NCKAP5: variants seen among roughly 807,000 people sequenced by gnomAD.
NCKAP5 encodes the protein nck-associated protein 5.
NCKAP5 carries 92 observed loss-of-function variants against 167.0 expected under a neutral mutation model. That is an observed-to-expected ratio of 0.55 (90% confidence interval 0.47 to 0.66). The LOEUF (loss-of-function observed/expected upper bound fraction) is 0.66, where lower values mean the gene tolerates loss of function less well. Among genes scored for constraint, NCKAP5 ranks in the 30% least tolerant of loss-of-function variants. The pLI, the probability that NCKAP5 is intolerant of heterozygous loss-of-function variation, is 0.00. For synonymous variants in NCKAP5, 891 were observed against 877.4 expected, an observed-to-expected ratio of 1.02 and a Z score of -0.27; for missense variants, 2,378 against 2,315.0, an observed-to-expected ratio of 1.03 and a Z score of -0.56.
chr2:133,190,877 TA>T (rs1158612397), intron 5 of NCKAP5, among the ~76,000 whole-genome samples: 1 of 152,006 alleles, frequency 6.6e-6, no homozygotes, highest in African/African-American at 2.4e-5. Context: ...ACTTCATGAC[TA>T]AAAAACCAAA....
chr2:133,666,457 C>T, the NCKAP5 span, among the ~76,000 whole-genome samples: 113 of 152,004 alleles, frequency 7.4e-4, 2 homozygotes, highest in Admixed American at 2.0e-3. Context: ...CTCAGCCTCC[C>T]GAAGTGCTGG....
chr2:132,810,305 T>C (rs2105260474), intron 11 of NCKAP5, among the ~76,000 whole-genome samples: 1 of 152,334 alleles, frequency 6.6e-6, no homozygotes, highest in Non-Finnish European at 1.5e-5. Flanking sequence ...TTCTTGTATT[T>C]GGATGTTTAG....
At chr2:133,496,432 T>C (rs561481022) in intron 3 of NCKAP5, among the ~76,000 whole-genome samples, 268 of 152,322 alleles carry the variant, frequency 1.8e-3, no homozygotes, top group African/African-American at 5.9e-3. Flanking sequence ...GAATTTTTTA[T>C]TCCTCTTGAT....
chr2:132,891,459 C>T (rs556656197), intron 8 of NCKAP5, among the ~76,000 whole-genome samples: 5 of 152,218 alleles, frequency 3.3e-5, no homozygotes, highest in African/African-American at 7.2e-5. Flanking sequence ...AAGTCTCTTA[C>T]TGCTTCTCTG....
At chr2:133,222,404 T>C (rs1460734844) in intron 4 of NCKAP5, among the ~76,000 whole-genome samples, 3 of 129,774 alleles carry the variant, frequency 2.3e-5, no homozygotes, top group African/African-American at 7.5e-5. Context: ...AAAAATGACA[T>C]CTGGATTATC....
chr2:133,371,031 C>T (rs1378263684), intron 3 of NCKAP5, among the ~76,000 whole-genome samples: 1 of 152,138 alleles, frequency 6.6e-6, no homozygotes, highest in Non-Finnish European at 1.5e-5. Flanking sequence ...CAGTCACCTG[C>T]CTGGTAAAAC....
Position 132,803,773 on chromosome 2 carries a change from C to T in NCKAP5, c.808-7044G>A, listed in dbSNP as rs181895134. ...GATTTACGCTTTATGCTTTATGAAG[C>T]ATCTACTATGTGCAGAATCATGACT... On this transcript the variant is annotated intron_variant, in intron 11 of 19. Coordinates refer to ENST00000409261, the MANE Select transcript of NCKAP5 (RefSeq NM_207363.3). Among the ~76,000 whole-genome samples the T allele has an allele frequency of 2.0e-5, 3 of 152,324 alleles. No individual in the cohort carries two copies. In the East Asian group the frequency reaches 5.8e-4, roughly 29 times the overall value.
chr2:133,589,989 T>C, the NCKAP5 span, among the ~76,000 whole-genome samples: 1 of 152,174 alleles, frequency 6.6e-6, no homozygotes, highest in African/African-American at 2.4e-5. Flanking sequence ...GAGCTAAAAC[T>C]GAAGCCTCCT....
At chr2:133,557,218 T>C (rs1687803662) in intron 2 of NCKAP5, among the ~76,000 whole-genome samples, 1 of 152,216 alleles carries the variant, frequency 6.6e-6, no homozygotes, top group African/African-American at 2.4e-5. Context: ...ATGCGGTTTT[T>C]CTCTCTGCAC....
intron 5 of NCKAP5, among the ~76,000 whole-genome samples, chr2:133,193,166 T>G (rs576595392): frequency 1.3e-5 from 2 of 152,210 alleles, no homozygotes; most frequent in South Asian, 4.1e-4. Context: ...ATATACTACA[T>G]GATTCCATTT....
chr2:132,816,257 G>T (rs954854473), intron 11 of NCKAP5, among the ~76,000 whole-genome samples: 8 of 151,990 alleles, frequency 5.3e-5, no homozygotes, highest in Non-Finnish European at 7.4e-5. Context: ...CTCCACTGAA[G>T]AATCACCCTT....
chr2:132,978,200 TC>T (rs1357377632), intron 7 of NCKAP5, among the ~76,000 whole-genome samples: 1 of 152,198 alleles, frequency 6.6e-6, no homozygotes, highest in Non-Finnish European at 1.5e-5. Flanking sequence ...ATGCAAAATC[TC>T]TGTGTTTAAA....
intron 6 of NCKAP5, among the ~76,000 whole-genome samples, chr2:133,074,709 A>T (rs1160124838): frequency 6.6e-6 from 1 of 152,208 alleles, no homozygotes; most frequent in Non-Finnish European, 1.5e-5. Flanking sequence ...AAATCTGAAC[A>T]TTCACTGAAT....
chr2:133,658,017 C>T, the NCKAP5 span, among the ~76,000 whole-genome samples: 2 of 152,128 alleles, frequency 1.3e-5, no homozygotes, highest in African/African-American at 4.8e-5. Flanking sequence ...AGGGAGTATT[C>T]ATAGGAAGGT....
At chr2:133,304,172 C>G (rs1680605523) in intron 3 of NCKAP5, among the ~76,000 whole-genome samples, 2 of 152,102 alleles carry the variant, frequency 1.3e-5, no homozygotes, top group South Asian at 4.1e-4. Context: ...ACATAATATA[C>G]TGCTCTTATA....
At chr2:133,165,925 A>G (rs550276027) in intron 5 of NCKAP5, among the ~76,000 whole-genome samples, 1 of 152,338 alleles carries the variant, frequency 6.6e-6, no homozygotes, top group Admixed American at 6.5e-5. Flanking sequence ...TTCCATTAGC[A>G]TTCCACTAGT....
chr2:133,435,082 C>T (rs1690388350), intron 3 of NCKAP5, among the ~76,000 whole-genome samples: 1 of 152,198 alleles, frequency 6.6e-6, no homozygotes. Context: ...AAGGCCATGA[C>T]TATTACACCA....
At chr2:133,292,009 T>C (rs1275910818) in intron 4 of NCKAP5, among the ~76,000 whole-genome samples, 1 of 151,894 alleles carries the variant, frequency 6.6e-6, no homozygotes, top group Non-Finnish European at 1.5e-5. Context: ...CTCCCCAGGG[T>C]TGGAAAGGAG....
intron 2 of NCKAP5, among the ~76,000 whole-genome samples, chr2:133,520,705 C>A (rs1427388695): frequency 6.6e-6 from 1 of 152,138 alleles, no homozygotes; most frequent in Non-Finnish European, 1.5e-5. Context: ...TCAAATAGTC[C>A]AATCTGCCTA....
Sources: allele counts gnomAD v4.1 joint callset (sites outside exome capture counted in the v4.1 genomes callset), GRCh38; gene constraint gnomAD v4.1.1; transcripts MANE v1.5; gene names NCBI Gene and HGNC (gene_info 2026-07-23, HGNC 2026-07-21).